The following PCDHA5 variants were observed in gnomAD, a reference collection of about 807,000 sequenced individuals.
The protein encoded by PCDHA5 is protocadherin alpha 5, also known as protocadherin alpha-5.
Under a neutral mutation model 61.6 loss-of-function variants are expected in PCDHA5, and 43 were observed. The observed-to-expected ratio is 0.70, with a 90% CI of 0.55 to 0.90. The LOEUF (loss-of-function observed/expected upper bound fraction) is 0.90, where lower values mean the gene tolerates loss of function less well. Among genes scored for constraint, PCDHA5 ranks in the 40% least tolerant of loss-of-function variants. The pLI, the probability that PCDHA5 is intolerant of heterozygous loss-of-function variation, is 0.00. For synonymous variants in PCDHA5, 627 were observed against 543.9 expected, an observed-to-expected ratio of 1.15 and a Z score of -2.13; for missense variants, 1,298 against 1,222.7, an observed-to-expected ratio of 1.06 and a Z score of -0.92.
Position 140,829,741 on chromosome 5 carries a change from G to A in PCDHA5, c.2352+5614G>A. The A allele has an allele frequency of 1.9e-6, 3 of 1,613,668 alleles. No homozygotes were observed. The South Asian group carries it at 3.3e-5, about 18-fold the overall frequency. On this transcript the variant is annotated intron_variant, in intron 1 of 3. Transcript: ENST00000529859. ...TGCCGCCTCTGGGCAGCAACGTGACGCTGCAGGTGTTCGTGCTGGACGAGA... is the reference window on the plus strand; with the variant it reads ...TGCCGCCTCTGGGCAGCAACGTGACACTGCAGGTGTTCGTGCTGGACGAGA...
rs144631339 is a variant in PCDHA5 at position 140,834,572 on chromosome 5, G to T, written c.2352+10445G>T. 285 of 1,614,126 alleles carry T rather than the reference G, an allele frequency of 1.8e-4. 1 individual carries two copies. In the African/African-American group the frequency reaches 1.9e-3, roughly 11 times the overall value. ...AGCTGGCGGAGCTGGTGCCGCGCCTGTTCCGGGCGGTGTGCAAATTCCGTG... is the reference window on the plus strand; with the variant it reads ...AGCTGGCGGAGCTGGTGCCGCGCCTTTTCCGGGCGGTGTGCAAATTCCGTG... On this transcript the variant is annotated intron_variant, in intron 1 of 3. Transcript: ENST00000529859.
At chr5:140,913,970 T>C (rs2076541614) in intron 1 of PCDHA5, among the ~76,000 whole-genome samples, 1 of 152,144 alleles carries the variant, frequency 6.6e-6, no homozygotes. Context: ...TAAAAAAATA[T>C]TTTAGGACTT....
intron 1 of PCDHA5, chr5:140,870,247 G>C (rs2051798085): frequency 5.6e-6 from 9 of 1,614,024 alleles, no homozygotes; most frequent in Admixed American, 1.7e-5. Flanking sequence ...AGGTGTCAAC[G>C]GACAGGTGAC....
At chr5:140,876,907 G>A (rs782597420) in intron 1 of PCDHA5, 1 of 1,614,022 alleles carries the variant, frequency 6.2e-7, no homozygotes, top group Admixed American at 1.7e-5. Flanking sequence ...CACGGTGTCG[G>A]CATGGGACGC....
At chr5:140,863,308 G>A (rs782229195) in intron 1 of PCDHA5, 4 of 1,462,176 alleles carry the variant, frequency 2.7e-6, no homozygotes, top group Non-Finnish European at 3.7e-6. Context: ...CGCCATCTGC[G>A]TGGTGTCCAG....
At chr5:140,856,763 C>G (rs1004781576) in intron 1 of PCDHA5, 3 of 1,596,086 alleles carry the variant, frequency 1.9e-6, no homozygotes, top group Admixed American at 1.7e-5. Flanking sequence ...TGATAACGCC[C>G]CTATCTTTGA....
At chr5:140,857,462 C>T (rs782280236) in intron 1 of PCDHA5, 2 of 1,598,496 alleles carry the variant, frequency 1.3e-6, no homozygotes. Context: ...GCCAGGCTGC[C>T]ACATCTTCAC....
chr5:140,875,246 C>A (rs2055373842), intron 1 of PCDHA5: 3 of 955,372 alleles, frequency 3.1e-6, no homozygotes, highest in Non-Finnish European at 4.4e-6. Flanking sequence ...CTTACATAAT[C>A]AGTCACATGA....
At chr5:140,997,406 C>T (rs2097769706) in intron 3 of PCDHA5, among the ~76,000 whole-genome samples, 1 of 152,094 alleles carries the variant, frequency 6.6e-6, no homozygotes, top group Admixed American at 6.6e-5. Flanking sequence ...TATCGTATGG[C>T]CTATTTCTCC....
At chr5:140,849,740 C>T (rs2150447488) in intron 1 of PCDHA5, 1 of 1,598,420 alleles carries the variant, frequency 6.3e-7, no homozygotes, top group East Asian at 2.2e-5. Flanking sequence ...CTCTGGACCG[C>T]GAGAGTGTGT....
intron 1 of PCDHA5, among the ~76,000 whole-genome samples, chr5:140,900,291 T>C (rs1397328670): frequency 6.6e-6 from 1 of 151,992 alleles, no homozygotes; most frequent in East Asian, 2.0e-4. Flanking sequence ...TTCTTTTCTG[T>C]TTTTTTAGAC....
At position 140,850,653 on chromosome 5, in the gene PCDHA5, G is replaced by T. The variant is rs1472245010; in HGVS notation, c.2352+26526G>T. The T allele has an allele frequency of 2.5e-6, 4 of 1,598,606 alleles. No homozygotes were observed. The African/African-American group carries it at 4.0e-5, about 16-fold the overall frequency. On this transcript the variant is annotated intron_variant, in intron 1 of 3. Transcript: ENST00000529859. Reference sequence around the variant, plus strand: ...GGTTCTCACGCTGCTGCTGTACACTGTGCTGCGGTGCTCGGCGATGCCCAC... The same window carrying T: ...GGTTCTCACGCTGCTGCTGTACACTTTGCTGCGGTGCTCGGCGATGCCCAC...
At chr5:140,975,343 A>G (rs997568363) in intron 1 of PCDHA5, among the ~76,000 whole-genome samples, 1 of 152,224 alleles carries the variant, frequency 6.6e-6, no homozygotes, top group Middle Eastern at 3.2e-3. Context: ...TCCCTTTCTT[A>G]AAGCCAACTG....
chr5:140,922,926 T>C (rs1476173998), intron 1 of PCDHA5, among the ~76,000 whole-genome samples: 2 of 152,222 alleles, frequency 1.3e-5, no homozygotes, highest in African/African-American at 4.8e-5. Context: ...CTTCAGACTT[T>C]TACTTCCAGC....
intron 1 of PCDHA5, chr5:140,926,797 T>G: frequency 2.1e-6 from 3 of 1,450,476 alleles, no homozygotes; most frequent in Non-Finnish European, 1.8e-6. Flanking sequence ...AGGAGCGTGC[T>G]CTTCCCCGCG....
chr5:140,953,858 T>C (rs568873240), intron 1 of PCDHA5, among the ~76,000 whole-genome samples: 10 of 152,328 alleles, frequency 6.6e-5, no homozygotes, highest in African/African-American at 1.9e-4. Flanking sequence ...TGTGCCATGG[T>C]GGTTTGCTGC....
intron 1 of PCDHA5, among the ~76,000 whole-genome samples, chr5:140,958,679 A>G (rs1317780380): frequency 6.6e-6 from 1 of 152,200 alleles, no homozygotes; most frequent in Non-Finnish European, 1.5e-5. Context: ...ATTATAAAGG[A>G]TATTGAATAT....
chr5:140,878,342 CAAT>C (rs1416409658), intron 1 of PCDHA5, among the ~76,000 whole-genome samples: 2 of 152,076 alleles, frequency 1.3e-5, no homozygotes, highest in Non-Finnish European at 2.9e-5. Flanking sequence ...GGTATTATCA[CAAT>C]AATATAAATG....
intron 1 of PCDHA5, chr5:140,865,596 A>G (rs1309543842): frequency 2.6e-5 from 4 of 152,224 alleles, no homozygotes; most frequent in Admixed American, 2.0e-4. Context: ...CCATTGTTTG[A>G]GCAGTTTATT....
Sources: allele counts gnomAD v4.1 joint callset (sites outside exome capture counted in the v4.1 genomes callset), GRCh38; gene constraint gnomAD v4.1.1; transcripts MANE v1.5; gene names NCBI Gene and HGNC (gene_info 2026-07-23, HGNC 2026-07-21).